The following MCPH1 variants were observed in gnomAD, a reference collection of about 807,000 sequenced individuals.
The protein encoded by MCPH1 is microcephalin.
Under a neutral mutation model 84.5 loss-of-function variants are expected in MCPH1, and 104 were observed. That is an observed-to-expected ratio of 1.23 (90% CI 1.05 to 1.45). The LOEUF (loss-of-function observed/expected upper bound fraction) is 1.45. Ranked by LOEUF, MCPH1 falls within the 40% of genes most tolerant of loss-of-function variation. MCPH1 has a pLI of 0.00. For missense variants in MCPH1, 1,498 were observed against 1,005.7 expected (o/e 1.49, Z -6.62); for synonymous variants, 514 against 366.8 (o/e 1.40, Z -4.58).
intron 12 of MCPH1, among the ~76,000 whole-genome samples, chr8:6,599,435 T>C (rs1470727580): frequency 6.6e-6 from 1 of 152,236 alleles, no homozygotes; most frequent in Non-Finnish European, 1.5e-5. Context: ...TGTCCATTAT[T>C]CTCACCGTGA....
At chr8:6,536,650 TC>T (rs1820553475) in intron 12 of MCPH1, among the ~76,000 whole-genome samples, 2 of 152,154 alleles carry the variant, frequency 1.3e-5, no homozygotes, top group Non-Finnish European at 2.9e-5. Context: ...ACTATGGATG[TC>T]CATCATATAG....
chr8:6,497,732 T>C (rs1811414237), intron 11 of MCPH1, among the ~76,000 whole-genome samples: 1 of 152,210 alleles, frequency 6.6e-6, no homozygotes, highest in African/African-American at 2.4e-5. Flanking sequence ...GGGAGCTCTC[T>C]GTACCTTCCT....
chr8:6,625,821 T>C (rs1832018192), intron 13 of MCPH1: 1 of 985,280 alleles, frequency 1.0e-6, no homozygotes, highest in African/African-American at 1.7e-5. Context: ...TCAGTGCCTT[T>C]ATATTGTTTC....
At chr8:6,493,373 A>G (rs1810870754) in intron 11 of MCPH1, among the ~76,000 whole-genome samples, 1 of 152,242 alleles carries the variant, frequency 6.6e-6, no homozygotes. Context: ...CTTTTTCATA[A>G]GAATATTCAA....
chr8:6,447,149 G>C (rs895608303), intron 8 of MCPH1: 4 of 985,284 alleles, frequency 4.1e-6, no homozygotes, highest in Middle Eastern at 5.2e-4. Flanking sequence ...CCTACATGTT[G>C]GCTAGCCTAA....
chr8:6,504,234 C>G (rs1489634963), intron 12 of MCPH1, among the ~76,000 whole-genome samples: 2 of 142,568 alleles, frequency 1.4e-5, no homozygotes, highest in Non-Finnish European at 3.0e-5. Flanking sequence ...AGGAGAATGG[C>G]GTGAACCCGG....
At chr8:6,524,675 C>T (rs539959966) in intron 12 of MCPH1, among the ~76,000 whole-genome samples, 4 of 152,220 alleles carry the variant, frequency 2.6e-5, no homozygotes, top group South Asian at 2.1e-4. Context: ...CTTAAGCCTG[C>T]GGAAATTTAG....
At chr8:6,642,525 A>G (rs891867058) in intron 13 of MCPH1, among the ~76,000 whole-genome samples, 11 of 152,226 alleles carry the variant, frequency 7.2e-5, no homozygotes, top group African/African-American at 2.7e-4. Flanking sequence ...TTCCATAAAA[A>G]ATACCTATGC....
In MCPH1 at chr8:6,621,626, T is replaced by C. The variant is rs749329332; in HGVS notation, c.2387T>C (p.Val796Ala). 3 of 1,614,054 alleles carry C rather than the reference T, an allele frequency of 1.9e-6. No individual in the cohort carries two copies. Among genetic ancestry groups the C allele is most frequent in the Non-Finnish European group, 2.5e-6 (3 of 1,180,030 alleles). Residue 796 changes from valine (V) to alanine (A), a missense_variant, in exon 13 of 14, where the codon GTC (valine) becomes GCC (alanine). By Grantham distance (64) the Val-to-Ala change is moderately conservative (BLOSUM62 0). Transcript: ENST00000344683. ...CAAGTCCCCCGCCAGGCCAGCATCG[T>C]CATCGGGCCCTACAGCGGAAAGAAG... ...VSQVPRQASI[V>A]IGPYSGKKKA... is the part of the protein sequence containing the mutation.
At chr8:6,409,452 A>G in intron 2 of MCPH1, 82 bp downstream of exon 2, 1 of 1,184,328 alleles carries the variant, frequency 8.4e-7, no homozygotes, top group African/African-American at 1.5e-5. Context: ...TTATTTTGGG[A>G]GTTTTTACTT....
chr8:6,447,089 A>G (rs1241729329), intron 8 of MCPH1: 7 of 985,348 alleles, frequency 7.1e-6, no homozygotes, highest in Non-Finnish European at 1.2e-6. Flanking sequence ...ACCTGCCTTC[A>G]TGCCATTACA....
At chr8:6,535,492 G>A (rs1432861893) in intron 12 of MCPH1, among the ~76,000 whole-genome samples, 1 of 152,206 alleles carries the variant, frequency 6.6e-6, no homozygotes, top group Non-Finnish European at 1.5e-5. Context: ...TAGGTTCACA[G>A]TGGGTGAGCT....
chr8:6,617,744 A>G (rs2129580208), intron 12 of MCPH1, among the ~76,000 whole-genome samples: 1 of 152,160 alleles, frequency 6.6e-6, no homozygotes, highest in East Asian at 1.9e-4. Context: ...GGTCACAATC[A>G]CAGTTCACTG....
At chr8:6,431,011 T>C (rs1359564863) in intron 3 of MCPH1, among the ~76,000 whole-genome samples, 1 of 152,118 alleles carries the variant, frequency 6.6e-6, no homozygotes, top group African/African-American at 2.4e-5. Context: ...ATGCGGAGCA[T>C]TGGTTGCACA....
In MCPH1 at chr8:6,567,009, A is replaced by G. The variant is rs1471300097; in HGVS notation, c.2215-54445A>G. Among the ~76,000 whole-genome samples the G allele has an allele frequency of 1.5e-4, 22 of 143,714 alleles. 3 individuals are homozygous for G. Among genetic ancestry groups the G allele is most frequent in the African/African-American group, 3.5e-4 (13 of 37,588 alleles). 94.3% of individuals were successfully genotyped at this position (143,714 alleles called of 152,430 possible). A position where few individuals can be genotyped will look rare whatever the true frequency, so the allele number is the denominator to read the frequency against. Reference sequence around the variant, plus strand: ...GTGACGGTGTGTGATCGGCAAGGCCATAGATAGTGCACGCGGTGCGGTGAC... The same window carrying G: ...GTGACGGTGTGTGATCGGCAAGGCCGTAGATAGTGCACGCGGTGCGGTGAC... On this transcript the variant is annotated intron_variant, in intron 12 of 13. Coordinates refer to ENST00000344683, the MANE Select transcript of MCPH1 (RefSeq NM_024596.5).
chr8:6,460,927 C>T (rs1806209839), intron 9 of MCPH1, among the ~76,000 whole-genome samples: 1 of 152,132 alleles, frequency 6.6e-6, no homozygotes, highest in Non-Finnish European at 1.5e-5. Flanking sequence ...CAGTGAGGAG[C>T]CTATTTCAAA....
intron 12 of MCPH1, among the ~76,000 whole-genome samples, chr8:6,611,722 C>T (rs371385602): frequency 1.1e-4 from 16 of 152,316 alleles, no homozygotes; most frequent in African/African-American, 3.1e-4. Context: ...GGGTTCTCGC[C>T]ATTCTCCTGC....
intron 2 of MCPH1, among the ~76,000 whole-genome samples, chr8:6,410,540 C>G (rs1273354680): frequency 1.3e-5 from 2 of 152,192 alleles, no homozygotes; most frequent in African/African-American, 4.8e-5. Context: ...CTATCACGTA[C>G]TGCTTGTGTT....
intron 12 of MCPH1, among the ~76,000 whole-genome samples, chr8:6,539,193 G>T (rs1409390336): frequency 2.6e-5 from 4 of 152,148 alleles, no homozygotes; most frequent in African/African-American, 4.8e-5. Flanking sequence ...GAGCCTGGGG[G>T]GTAGGCACAG....
Sources: allele counts gnomAD v4.1 joint callset (sites outside exome capture counted in the v4.1 genomes callset), GRCh38; gene constraint gnomAD v4.1.1; transcripts MANE v1.5; gene names NCBI Gene and HGNC (gene_info 2026-07-23, HGNC 2026-07-21).